The following TMEFF2 variants were observed in gnomAD, a reference collection of about 807,000 sequenced individuals.
TMEFF2 encodes transmembrane protein with EGF like and two follistatin like domains 2.
TMEFF2 carries 28 observed loss-of-function variants against 53.8 expected under a neutral mutation model. The ratio of observed to expected loss-of-function variants is 0.52; its 90% CI spans 0.39 to 0.71. The LOEUF is 0.71. TMEFF2 is among the 30% of genes least tolerant of loss of function. The pLI, the probability that TMEFF2 is intolerant of heterozygous loss-of-function variation, is 0.00. For missense variants in TMEFF2, 353 were observed against 455.2 expected (o/e 0.78, Z 2.04); for synonymous variants, 162 against 166.3 (o/e 0.97, Z 0.20).
At chr2:191,988,140 C>A (rs541344461) in intron 7 of TMEFF2, among the ~76,000 whole-genome samples, 1 of 152,162 alleles carries the variant, frequency 6.6e-6, no homozygotes, top group Non-Finnish European at 1.5e-5. Context: ...TAATAGTTGC[C>A]TATCACTGTT....
At chr2:191,974,214 A>C (rs1692735709) in intron 7 of TMEFF2, among the ~76,000 whole-genome samples, 1 of 152,220 alleles carries the variant, frequency 6.6e-6, no homozygotes, top group Non-Finnish European at 1.5e-5. Flanking sequence ...GGATAATTCC[A>C]GATCAGAAAA....
intron 5 of TMEFF2, among the ~76,000 whole-genome samples, chr2:192,027,611 GCTGTAA>G (rs1297746222): frequency 9.2e-5 from 14 of 152,174 alleles, no homozygotes; most frequent in Admixed American, 9.2e-4. Context: ...TTGAGTGTGG[GCTGTAA>G]CTAGTAACTA....
intron 5 of TMEFF2, among the ~76,000 whole-genome samples, chr2:192,013,651 T>C (rs1259323410): frequency 6.6e-6 from 1 of 152,176 alleles, no homozygotes; most frequent in Non-Finnish European, 1.5e-5. Context: ...GGTTTCGCTA[T>C]GTTGACCAGG....
intron 4 of TMEFF2, among the ~76,000 whole-genome samples, chr2:192,122,183 CAA>C (rs1350774101): frequency 2.0e-5 from 3 of 151,928 alleles, no homozygotes; most frequent in African/African-American, 7.2e-5. Flanking sequence ...TATTATTTGT[CAA>C]AAAAACTCAA....
intron 7 of TMEFF2, among the ~76,000 whole-genome samples, chr2:191,956,880 C>T (rs1044809413): frequency 3.3e-5 from 5 of 152,186 alleles, no homozygotes; most frequent in African/African-American, 1.2e-4. Flanking sequence ...TGTATTCTTT[C>T]AGGCTTTTAA....
In TMEFF2 at chr2:192,084,893, T is replaced by C. The variant is rs554398154; in HGVS notation, c.440-27118A>G. On this transcript the variant is annotated intron_variant, in intron 4 of 9. Transcript: ENST00000272771. ...ACTGAATTACAGGCACTTTTTAGTT[T>C]CCTTGTTTTACCTACTGTTAAAAAT... is the stretch of plus-strand genomic sequence containing the variant. Among the ~76,000 whole-genome samples the C allele has an allele frequency of 2.6e-5, 4 of 152,330 alleles. No individual in the cohort carries two copies. In the South Asian group the frequency reaches 8.3e-4, roughly 32 times the overall value.
chr2:192,075,597 A>G (rs1292842093), intron 4 of TMEFF2, among the ~76,000 whole-genome samples: 1 of 151,734 alleles, frequency 6.6e-6, no homozygotes, highest in African/African-American at 2.4e-5. Flanking sequence ...TAGAGATTTA[A>G]TTATGTGTTC....
intron 7 of TMEFF2, among the ~76,000 whole-genome samples, chr2:191,978,233 C>A (rs1414069986): frequency 6.6e-6 from 1 of 152,076 alleles, no homozygotes; most frequent in South Asian, 2.1e-4. Flanking sequence ...CTCAATTTAT[C>A]GAGAGGCAGG....
intron 4 of TMEFF2, among the ~76,000 whole-genome samples, chr2:192,065,651 T>C (rs935716339): frequency 1.3e-5 from 2 of 151,782 alleles, no homozygotes; most frequent in African/African-American, 4.8e-5. Flanking sequence ...TATCTTTTTT[T>C]ACTTTATTTA....
At chr2:192,075,306 T>TAAATAC (rs1559115075) in intron 4 of TMEFF2, among the ~76,000 whole-genome samples, 1 of 57,764 alleles carries the variant, frequency 1.7e-5, no homozygotes. Context: ...TATATATATA[T>TAAATAC]ATATATATAT....
chr2:192,081,601 A>C (rs17353071), intron 4 of TMEFF2, among the ~76,000 whole-genome samples: 63,227 of 151,854 alleles, frequency 0.42, 14,979 homozygotes, highest in East Asian at 0.55. Context: ...ATGATACAAA[A>C]CTGATCTCAG....
chr2:192,154,856 T>C (rs1403113892), intron 4 of TMEFF2, among the ~76,000 whole-genome samples: 2 of 151,924 alleles, frequency 1.3e-5, no homozygotes, highest in South Asian at 2.1e-4. Flanking sequence ...CCCTGGTCTT[T>C]GGAAAGTACA....
intron 4 of TMEFF2, among the ~76,000 whole-genome samples, chr2:192,130,297 CCT>C (rs1293260974): frequency 1.3e-5 from 2 of 152,126 alleles, no homozygotes; most frequent in Admixed American, 6.5e-5. Flanking sequence ...TCCTCCTTCT[CCT>C]CTGTCTCCTC....
chr2:191,967,033 T>TGA (rs1483672216), intron 7 of TMEFF2, among the ~76,000 whole-genome samples: 3 of 148,928 alleles, frequency 2.0e-5, no homozygotes, highest in Non-Finnish European at 4.4e-5. Flanking sequence ...ACTGAACTTC[T>TGA]GAGAAAAAAA....
chr2:192,133,438 A>G (rs1689909698), intron 4 of TMEFF2, among the ~76,000 whole-genome samples: 3 of 152,172 alleles, frequency 2.0e-5, no homozygotes, highest in South Asian at 2.1e-4. Flanking sequence ...AAGGATTAAA[A>G]CCTGTTATCA....
chr2:192,047,242 C>G (rs1275204948), intron 5 of TMEFF2, among the ~76,000 whole-genome samples: 1 of 152,128 alleles, frequency 6.6e-6, no homozygotes, highest in African/African-American at 2.4e-5. Context: ...ATGTTTATTA[C>G]AGAAATACAT....
chr2:191,969,880 C>T (rs910935798), intron 7 of TMEFF2, among the ~76,000 whole-genome samples: 1 of 152,140 alleles, frequency 6.6e-6, no homozygotes, highest in Non-Finnish European at 1.5e-5. Context: ...GTTAAATGAG[C>T]ATTCTAAATA....
rs780286186 is a variant in TMEFF2 at position 192,191,568 on chromosome 2, T to A, written c.282+312A>T. Among the ~76,000 whole-genome samples the A allele has an allele frequency of 3.9e-5, 6 of 152,174 alleles. No homozygotes were observed. In the East Asian group the frequency reaches 1.2e-3, roughly 29 times the overall value. On this transcript the variant is annotated intron_variant, in intron 2 of 9. Coordinates refer to ENST00000272771, the MANE Select transcript of TMEFF2 (RefSeq NM_016192.4). ...CACACTTCTTACCCCCTATTTTGAC[T>A]ATTATCCCCAGTCAATTCACTTTTA...
chr2:192,007,479 A>G (rs1046828126), intron 5 of TMEFF2, among the ~76,000 whole-genome samples: 2 of 152,166 alleles, frequency 1.3e-5, no homozygotes, highest in African/African-American at 4.8e-5. Context: ...GATGAAGAAG[A>G]GTGGTGGAGA....
Sources: gnomAD v4.1 joint callset for allele counts (sites outside exome capture counted in the v4.1 genomes callset) on GRCh38, gnomAD v4.1.1 for gene constraint, MANE v1.5 for transcripts, NCBI Gene and HGNC (gene_info 2026-07-23, HGNC 2026-07-21) for gene names.